The following BTD variants were observed in gnomAD, a reference collection of about 807,000 sequenced individuals.
BTD encodes the protein biocytinase.
Under a neutral mutation model 17.7 loss-of-function variants are expected in BTD, and 13 were observed. The observed-to-expected ratio is 0.74, with a 90% CI of 0.48 to 1.17. The LOEUF is 1.17. Ranked by LOEUF, BTD falls within the 50% of genes most tolerant of loss-of-function variation. The pLI is 0.00. For missense variants in BTD, 674 were observed against 650.4 expected, an observed-to-expected ratio of 1.04 and a Z score of -0.39; for synonymous variants, 240 against 245.2, an observed-to-expected ratio of 0.98 and a Z score of 0.20.
intron 4 of BTD, chr3:15,721,170 T>A (rs759746206): frequency 6.5e-7 from 1 of 1,545,532 alleles, no homozygotes; most frequent in Non-Finnish European, 8.8e-7. Flanking sequence ...GTAGTTTTGC[T>A]AATTATCAAT....
In BTD at chr3:15,650,607, A is replaced by G. The variant is rs1028327011; in HGVS notation, c.*5119A>G. ...ACAGACAGACTCTCGTGTAGTTGCAACAATGGCCATGACTTCTAGGCTTCA... is the reference window on the plus strand; with the variant it reads ...ACAGACAGACTCTCGTGTAGTTGCAGCAATGGCCATGACTTCTAGGCTTCA... On this transcript the variant is annotated 3_prime_UTR_variant, in exon 4 of 4. Coordinates refer to ENST00000643237, the MANE Select transcript of BTD (RefSeq NM_001370658.1). 1.3e-5 allele frequency among the ~76,000 whole-genome samples: 2 copies of G among 152,156 alleles called. No individual in the cohort carries two copies. The highest frequency in any genetic ancestry group is 6.5e-5 in the Admixed American group (1 of 15,274).
At chr3:15,718,676 T>C (rs1575365414) in intron 4 of BTD, among the ~76,000 whole-genome samples, 1 of 151,956 alleles carries the variant, frequency 6.6e-6, no homozygotes, top group Non-Finnish European at 1.5e-5. Context: ...GACAGCATCA[T>C]GTGAACCAAA....
In BTD at chr3:15,647,367, C is replaced by T. The variant is rs779296562; in HGVS notation, c.*1879C>T. ...AATAAGCCTGAGAAAGAGAGGCCAG[C>T]GCTAAATACAGACTTGGCAGAACTA... On this transcript the variant is annotated 3_prime_UTR_variant, in exon 4 of 4. Coordinates refer to ENST00000643237, the MANE Select transcript of BTD (RefSeq NM_001370658.1). 2.0e-5 allele frequency: 3 copies of T among 152,208 alleles called. No homozygotes were observed. The highest frequency in any genetic ancestry group is 4.8e-5 in the African/African-American group (2 of 41,442). The allele number at this position is 152,208 out of a possible 1,614,324, so 9.4% of individuals were successfully genotyped here.
intron 3 of BTD, among the ~76,000 whole-genome samples, chr3:15,702,663 G>A (rs2070782745): frequency 6.6e-6 from 1 of 152,010 alleles, no homozygotes; most frequent in South Asian, 2.1e-4. Context: ...GAGTTCTGAG[G>A]CAAGTTCAGA....
chr3:15,629,347 T>C (rs2065145914), intron 1 of BTD, among the ~76,000 whole-genome samples: 2 of 152,160 alleles, frequency 1.3e-5, no homozygotes, highest in African/African-American at 2.4e-5. Context: ...ACCTACTCAA[T>C]CAAAACTTCC....
chr3:15,686,714 G>T (rs899807426), intron 3 of BTD, among the ~76,000 whole-genome samples: 2 of 152,222 alleles, frequency 1.3e-5, no homozygotes, highest in Non-Finnish European at 2.9e-5. Flanking sequence ...GAGCAGCACA[G>T]GAACCAGGTC....
intron 1 of BTD, among the ~76,000 whole-genome samples, chr3:15,611,617 T>G (rs2064632938): frequency 6.6e-6 from 1 of 152,016 alleles, no homozygotes; most frequent in East Asian, 1.9e-4. Flanking sequence ...ATGGTTTAGT[T>G]TTTTCTTTTA....
intron 3 of BTD, among the ~76,000 whole-genome samples, chr3:15,660,327 T>G (rs79149620): frequency 0.034 from 5,131 of 152,342 alleles, 140 homozygotes; most frequent in Non-Finnish European, 0.052. Context: ...TTAGCTGCTA[T>G]TCATGTGGTT....
intron 4 of BTD, among the ~76,000 whole-genome samples, chr3:15,719,069 C>T (rs1380860175): frequency 6.6e-6 from 1 of 151,988 alleles, no homozygotes; most frequent in Non-Finnish European, 1.5e-5. Flanking sequence ...GTGATTTGAC[C>T]GAGACCTAAA....
intron 3 of BTD, among the ~76,000 whole-genome samples, chr3:15,673,037 A>C (rs1223150609): frequency 6.6e-6 from 1 of 152,334 alleles, no homozygotes; most frequent in East Asian, 1.9e-4. Context: ...TGTGCCTCCC[A>C]AAGTGCTAGG....
Position 15,643,916 on chromosome 3 carries a change from G to GA in BTD, c.400-390dup, listed in dbSNP as rs564833018. ...TGAAAAAAAAAAAAAAGAAAAGAAA[G>GA]AAAAAAAAAAGAAGAGGAAGCAAAA... On this transcript the variant is annotated intron_variant, in intron 3 of 3. Coordinates refer to ENST00000643237, the MANE Select transcript of BTD (RefSeq NM_001370658.1). Among the ~76,000 whole-genome samples the GA allele has an allele frequency of 1.5e-4, 20 of 129,508 alleles. 2 individuals carry two copies. The highest frequency in any genetic ancestry group is 1.1e-3 in the East Asian group (5 of 4,472). The allele number at this position is 129,508 out of a possible 152,430, so 85.0% of individuals were successfully genotyped here.
chr3:15,661,598 T>C (rs1395861633), intron 3 of BTD, among the ~76,000 whole-genome samples: 5 of 152,238 alleles, frequency 3.3e-5, no homozygotes, highest in Non-Finnish European at 7.3e-5. Context: ...GTCTATGGCT[T>C]GCCTTTTCAT....
chr3:15,626,123 G>A (rs2065060216), intron 1 of BTD, among the ~76,000 whole-genome samples: 1 of 152,028 alleles, frequency 6.6e-6, no homozygotes, highest in Non-Finnish European at 1.5e-5. Flanking sequence ...TTCTGATTTT[G>A]AGTTTATTTT....
At chr3:15,601,371 G>T, upstream of BTD, 1 of 1,614,034 alleles carries the variant, frequency 6.2e-7, no homozygotes, top group Non-Finnish European at 8.5e-7. Context: ...ATTCCAGGAA[G>T]GTCCATCGTA....
In BTD at chr3:15,696,086, A is replaced by G. The variant is rs538069100; in HGVS notation, c.400-13974A>G. ...TTATTCTCATTTTTGTTACATTATT[A>G]GACTATAAACTCCCATTAGGTCTTT... is the stretch of plus-strand genomic sequence containing the variant. On this transcript the variant is annotated intron_variant, in intron 3 of 3. Transcript: ENST00000672141. The G allele has an allele frequency of 2.6e-5, 32 of 1,238,582 alleles. 1 individual carries two copies. The South Asian group carries it at 4.1e-4, about 16-fold the overall frequency. The allele number at this position is 1,238,582 out of a possible 1,614,324, so 76.7% of individuals were successfully genotyped here. A position where few individuals can be genotyped will look rare whatever the true frequency, so the allele number is the denominator to read the frequency against.
intron 3 of BTD, chr3:15,679,330 G>A: frequency 6.2e-7 from 1 of 1,613,928 alleles, no homozygotes; most frequent in African/African-American, 1.3e-5. Flanking sequence ...CGTTCACAAT[G>A]CTGGCACCTA....
rs1420236984 is a variant in BTD, at chr3:15,650,349, C to G, written c.*4861C>G. ...AAATGAAATTACCAATATATGAACTCTAGGCATCATGCATATATAATTTTT... is the reference window on the plus strand; with the variant it reads ...AAATGAAATTACCAATATATGAACTGTAGGCATCATGCATATATAATTTTT... On this transcript the variant is annotated 3_prime_UTR_variant, in exon 4 of 4. Coordinates refer to ENST00000643237, the MANE Select transcript of BTD (RefSeq NM_001370658.1). 9.2e-5 allele frequency among the ~76,000 whole-genome samples: 14 copies of G among 152,244 alleles called. No individual in the cohort carries two copies. The South Asian group carries it at 2.9e-3, about 32-fold the overall frequency.
At chr3:15,613,601 A>G (rs1380549026) in intron 1 of BTD, among the ~76,000 whole-genome samples, 4 of 143,780 alleles carry the variant, frequency 2.8e-5, no homozygotes, top group African/African-American at 5.2e-5. Context: ...CTCTTGGTCT[A>G]TTTTGTGCTT....
chr3:15,696,599 T>C (rs1258060105), intron 3 of BTD, among the ~76,000 whole-genome samples: 4 of 152,224 alleles, frequency 2.6e-5, no homozygotes, highest in African/African-American at 7.2e-5. Context: ...GGTGAGTACA[T>C]AATATTGGCA....
Sources: gnomAD v4.1 joint callset for allele counts (sites outside exome capture counted in the v4.1 genomes callset) on GRCh38, gnomAD v4.1.1 for gene constraint, MANE v1.5 for transcripts, NCBI Gene and HGNC (gene_info 2026-07-23, HGNC 2026-07-21) for gene names.